Variants in CDH18 observed in about 807,000 individuals in gnomAD.
CDH18 encodes the protein cadherin 18.
Under a neutral mutation model 67.9 loss-of-function variants are expected in CDH18, and 31 were observed. The ratio of observed to expected loss-of-function variants is 0.46; its 90% confidence interval spans 0.34 to 0.62. CDH18 has a LOEUF of 0.62. Among genes scored for constraint, CDH18 ranks in the 20% least tolerant of loss-of-function variants. The pLI, the probability that CDH18 is intolerant of heterozygous loss-of-function variation, is 0.01. For synonymous variants in CDH18, 362 were observed against 347.2 expected, an observed-to-expected ratio of 1.04 and a Z score of -0.48; for missense variants, 890 against 975.5, an observed-to-expected ratio of 0.91 and a Z score of 1.17.
At chr5:19,703,900 T>C (rs1180047314) in intron 5 of CDH18, among the ~76,000 whole-genome samples, 2 of 152,322 alleles carry the variant, frequency 1.3e-5, no homozygotes, top group East Asian at 3.9e-4. Flanking sequence ...GCAGGGGCTA[T>C]AGGATTACTT....
At chr5:20,062,991 CT>C (rs5866413) in intron 2 of CDH18, among the ~76,000 whole-genome samples, 12 of 139,122 alleles carry the variant, frequency 8.6e-5, no homozygotes, top group East Asian at 2.1e-4. Context: ...TTTTTTCTTT[CT>C]TTTTTTTTTT....
At chr5:19,683,984 G>A (rs979462386) in intron 5 of CDH18, among the ~76,000 whole-genome samples, 3 of 152,176 alleles carry the variant, frequency 2.0e-5, no homozygotes, top group Admixed American at 6.6e-5. Context: ...GAATGAGTGA[G>A]GAAAGATTAT....
chr5:20,087,035 C>T (rs553223212), intron 2 of CDH18, among the ~76,000 whole-genome samples: 27 of 152,154 alleles, frequency 1.8e-4, no homozygotes, highest in Middle Eastern at 3.4e-3. Flanking sequence ...TTTCTAGATG[C>T]CATTAAAATA....
At chr5:20,135,897 C>T (rs1029325719) in intron 2 of CDH18, among the ~76,000 whole-genome samples, 4 of 152,098 alleles carry the variant, frequency 2.6e-5, no homozygotes, top group African/African-American at 9.7e-5. Context: ...TGTAGTTGTG[C>T]AGTTTTGAGT....
At chr5:19,728,409 G>A (rs1521022) in intron 4 of CDH18, among the ~76,000 whole-genome samples, 86,016 of 152,014 alleles carry the variant, frequency 0.57, 27,582 homozygotes, top group East Asian at 0.74. Context: ...TCTCTCAGCT[G>A]ATGTTTTATA....
At chr5:20,415,258 G>A (rs1747194424) in intron 1 of CDH18, among the ~76,000 whole-genome samples, 1 of 151,896 alleles carries the variant, frequency 6.6e-6, no homozygotes. Context: ...ATGGTGGTGT[G>A]TGCCTGGAAG....
chr5:19,831,790 A>T (rs1781061178), intron 3 of CDH18, among the ~76,000 whole-genome samples: 1 of 152,190 alleles, frequency 6.6e-6, no homozygotes, highest in Non-Finnish European at 1.5e-5. Flanking sequence ...TCTAACAAAA[A>T]GACAAATACA....
At chr5:19,885,253 T>C (rs1171883103) in intron 2 of CDH18, among the ~76,000 whole-genome samples, 1 of 152,176 alleles carries the variant, frequency 6.6e-6, no homozygotes, top group Non-Finnish European at 1.5e-5. Context: ...ACTTGTACAA[T>C]GTATATTAAA....
chr5:20,038,307 T>G (rs1385666530), intron 2 of CDH18, among the ~76,000 whole-genome samples: 1 of 152,070 alleles, frequency 6.6e-6, no homozygotes, highest in East Asian at 1.9e-4. Context: ...CTGAAACTAT[T>G]CCAAACAACT....
chr5:20,180,249 C>T (rs950579847), intron 2 of CDH18, among the ~76,000 whole-genome samples: 2 of 152,044 alleles, frequency 1.3e-5, no homozygotes, highest in Non-Finnish European at 2.9e-5. Context: ...ATGGCGGGGG[C>T]ACCTGTCCAT....
At chr5:19,511,776 G>A (rs905269673) in intron 10 of CDH18, among the ~76,000 whole-genome samples, 3 of 152,026 alleles carry the variant, frequency 2.0e-5, no homozygotes, top group African/African-American at 7.2e-5. Context: ...TTGGAACTTA[G>A]GTTTTAAAGG....
At chr5:19,551,406 GA>G (rs1305706631) in intron 8 of CDH18, among the ~76,000 whole-genome samples, 1 of 152,096 alleles carries the variant, frequency 6.6e-6, no homozygotes, top group Non-Finnish European at 1.5e-5. Flanking sequence ...GCCATAGTAA[GA>G]TAATCACTCC....
intron 5 of CDH18, among the ~76,000 whole-genome samples, chr5:19,620,128 C>T (rs1397200389): frequency 2.6e-5 from 4 of 152,120 alleles, no homozygotes; most frequent in African/African-American, 9.7e-5. Context: ...CATTTTTATG[C>T]TTTAGTAGGA....
chr5:19,868,334 C>CA (rs1160606488), intron 2 of CDH18, among the ~76,000 whole-genome samples: 1 of 152,002 alleles, frequency 6.6e-6, no homozygotes, highest in Non-Finnish European at 1.5e-5. Flanking sequence ...GGTACTGATC[C>CA]AAGTGGAACA....
chr5:20,442,143 G>A (rs1277428340), intron 1 of CDH18, among the ~76,000 whole-genome samples: 1 of 151,834 alleles, frequency 6.6e-6, no homozygotes, highest in African/African-American at 2.4e-5. Flanking sequence ...TATTTGTTGA[G>A]TAAAAGAATG....
intron 3 of CDH18, among the ~76,000 whole-genome samples, chr5:19,753,768 A>C (rs1357608490): frequency 6.6e-6 from 1 of 152,218 alleles, no homozygotes; most frequent in African/African-American, 2.4e-5. Flanking sequence ...TATCAGATTG[A>C]CAGCAGATTT....
intron 1 of CDH18, among the ~76,000 whole-genome samples, chr5:20,437,955 T>C (rs1030715170): frequency 6.6e-6 from 1 of 151,296 alleles, no homozygotes; most frequent in South Asian, 2.1e-4. Context: ...TAAAAGATGG[T>C]AGAATAAAAG....
At chr5:19,671,795 T>G (rs763663332) in intron 5 of CDH18, among the ~76,000 whole-genome samples, 1 of 152,086 alleles carries the variant, frequency 6.6e-6, no homozygotes, top group Non-Finnish European at 1.5e-5. Flanking sequence ...GAAAATTAAA[T>G]GCAAAGACCT....
chr5:20,157,708 T>G (rs1157684277), intron 2 of CDH18, among the ~76,000 whole-genome samples: 1 of 151,838 alleles, frequency 6.6e-6, no homozygotes, highest in Non-Finnish European at 1.5e-5. Flanking sequence ...AATGGCATGA[T>G]CTTGGCTCAC....
Sources: gnomAD v4.1 joint callset for allele counts (sites outside exome capture counted in the v4.1 genomes callset) on GRCh38, gnomAD v4.1.1 for gene constraint, MANE v1.5 for transcripts, NCBI Gene and HGNC (gene_info 2026-07-23, HGNC 2026-07-21) for gene names.